The following LYPLA1 variants were observed in gnomAD, a reference collection of about 807,000 sequenced individuals.
LYPLA1 encodes acyl-protein thioesterase 1.
Under a neutral mutation model 34.0 loss-of-function variants are expected in LYPLA1, and 17 were observed. That is an observed-to-expected ratio of 0.50 (90% CI 0.34 to 0.75). The LOEUF is 0.75. Among genes scored for constraint, LYPLA1 ranks in the 30% least tolerant of loss-of-function variants. The pLI, the probability that LYPLA1 is intolerant of heterozygous loss-of-function variation, is 0.01. For missense variants in LYPLA1, 203 were observed against 288.8 expected (o/e 0.70, Z 2.15); for synonymous variants, 98 against 100.8 (o/e 0.97, Z 0.17).
In LYPLA1 at chr8:54,063,867, T is replaced by C. The variant is rs1195771535; in HGVS notation, c.168-492A>G. 4.6e-5 allele frequency among the ~76,000 whole-genome samples: 7 copies of C among 152,330 alleles called. 1 individual carries two copies. Among genetic ancestry groups the C allele is most frequent in the African/African-American group, 1.7e-4 (7 of 41,584 alleles). On this transcript the variant is annotated intron_variant, in intron 3 of 8. Coordinates refer to ENST00000316963, the MANE Select transcript of LYPLA1 (RefSeq NM_006330.4). ...AAGGGAAATCCAAAATTTGCCTAAG[T>C]GTCCATTATAGCCAATTCAAGTCTG...
intron 6 of LYPLA1, among the ~76,000 whole-genome samples, chr8:54,053,921 T>C (rs1411323784): frequency 6.6e-6 from 1 of 152,208 alleles, no homozygotes; most frequent in African/African-American, 2.4e-5. Context: ...GGTTTCTATA[T>C]ACTGTAATGA....
At chr8:54,093,379 A>G (rs1809455665) in intron 2 of LYPLA1, among the ~76,000 whole-genome samples, 1 of 152,192 alleles carries the variant, frequency 6.6e-6, no homozygotes, top group African/African-American at 2.4e-5. Flanking sequence ...GTGTCCTCCT[A>G]AGAGGAGGAG....
Position 54,047,923 on chromosome 8 carries a change from A to G in LYPLA1, c.*142T>C, listed in dbSNP as rs1400362648. On this transcript the variant is annotated 3_prime_UTR_variant, in exon 9 of 9. Coordinates refer to ENST00000316963, the MANE Select transcript of LYPLA1 (RefSeq NM_006330.4). ...CATAAATTTCTCATGAGGAGATATT[A>G]TTTGATCTGTGTTATTGGCATGTAT... is the stretch of plus-strand genomic sequence containing the variant. The G allele has an allele frequency of 1.9e-5, 10 of 538,554 alleles. No individual in the cohort carries two copies. Among genetic ancestry groups the G allele is most frequent in the Middle Eastern group, 5.0e-4 (1 of 1,994 alleles). The allele number at this position is 538,554 out of a possible 1,614,324, so 33.4% of individuals were successfully genotyped here. A position where few individuals can be genotyped will look rare whatever the true frequency, so the allele number is the denominator to read the frequency against.
At chr8:54,066,013 T>C (rs1807041440) in intron 2 of LYPLA1, among the ~76,000 whole-genome samples, 200 bp from the exon 3 acceptor site, 1 of 152,178 alleles carries the variant, frequency 6.6e-6, no homozygotes, top group African/African-American at 2.4e-5. Flanking sequence ...CTCGGCTCAC[T>C]GCAAGCTACC....
chr8:54,101,301 TAA>T, intron 1 of LYPLA1: 2 of 1,066,348 alleles, frequency 1.9e-6, no homozygotes, highest in South Asian at 7.6e-5. Context: ...GAGGCAAAAA[TAA>T]GTTTGACTTT....
chr8:54,091,821 G>A (rs1367952513), intron 2 of LYPLA1, among the ~76,000 whole-genome samples: 1 of 152,166 alleles, frequency 6.6e-6, no homozygotes, highest in Admixed American at 6.5e-5. Flanking sequence ...AGGCACACTG[G>A]CTCATGCCTG....
At chr8:54,093,712 C>A (rs1179927103) in intron 2 of LYPLA1, among the ~76,000 whole-genome samples, 1 of 152,134 alleles carries the variant, frequency 6.6e-6, no homozygotes, top group African/African-American at 2.4e-5. Context: ...ATTTGTCCAA[C>A]AAATACTTAG....
intron 5 of LYPLA1, among the ~76,000 whole-genome samples, chr8:54,057,189 A>G (rs1806266354): frequency 6.6e-6 from 1 of 152,204 alleles, no homozygotes; most frequent in South Asian, 2.1e-4. Flanking sequence ...TATGGGGAAC[A>G]GTTTGGAGGT....
chr8:54,057,614 T>G (rs758502923), intron 5 of LYPLA1, among the ~76,000 whole-genome samples: 6 of 152,210 alleles, frequency 3.9e-5, no homozygotes, highest in Non-Finnish European at 7.4e-5. Context: ...TAAAACTAAC[T>G]GAACTAACAG....
chr8:54,065,897 T>A, intron 2 of LYPLA1, 84 bp from the exon 3 acceptor site: 1 of 886,356 alleles, frequency 1.1e-6, no homozygotes, highest in Non-Finnish European at 1.9e-6. Context: ...CTTTAAAAAA[T>A]TGTGAAGATA....
chr8:54,074,941 A>G (rs142079762), intron 2 of LYPLA1, among the ~76,000 whole-genome samples: 1 of 152,332 alleles, frequency 6.6e-6, no homozygotes, highest in Non-Finnish European at 1.5e-5. Flanking sequence ...AACTTCTATT[A>G]AAACAATTAG....
intron 2 of LYPLA1, among the ~76,000 whole-genome samples, chr8:54,076,228 T>C (rs1807891138): frequency 6.6e-6 from 1 of 152,042 alleles, no homozygotes; most frequent in Admixed American, 6.5e-5. Context: ...TCTTTGGATA[T>C]TGCAAAATTA....
At chr8:54,052,633 T>C (rs1805923602) in intron 7 of LYPLA1, 22 bp downstream of exon 7, 1 of 1,498,844 alleles carries the variant, frequency 6.7e-7, no homozygotes, top group Non-Finnish European at 9.3e-7. Flanking sequence ...TAATCTCATG[T>C]TGAGTGCATC....
At chr8:54,048,299 T>A (rs534892785) in intron 8 of LYPLA1, among the ~76,000 whole-genome samples, 181 bp from the exon 9 acceptor site, 1 of 152,278 alleles carries the variant, frequency 6.6e-6, no homozygotes, top group Admixed American at 6.5e-5. Context: ...TTTCCTATCA[T>A]GATTATTGTA....
chr8:54,051,669 T>C (rs1367082249), intron 7 of LYPLA1, among the ~76,000 whole-genome samples: 1 of 152,156 alleles, frequency 6.6e-6, no homozygotes, highest in Non-Finnish European at 1.5e-5. Context: ...CAGGATGGTC[T>C]CAATCTCCTG....
At chr8:54,084,133 A>AAAAAAAAAAATATAT (rs1373090573) in intron 2 of LYPLA1, among the ~76,000 whole-genome samples, 8 of 120,440 alleles carry the variant, frequency 6.6e-5, no homozygotes, top group African/African-American at 3.7e-4. Context: ...AGAAAAAAAA[A>AAAAAAAAAAATATAT]ATAAATAAAT....
At position 54,091,581 on chromosome 8, in the gene LYPLA1, A is replaced by AAGACAAGGAAGGAAGGAAGGAAGG. The variant is rs1302206285; in HGVS notation, c.101+9326_101+9327insCCTTCCTTCCTTCCTTCCTTGTCT. ...AAGGAAGGAAGGAAAGAAAGAAAGA[A>AAGACAAGGAAGGAAGGAAGGAAGG]AAGGAAGGAAGGAAGGAAGGAAGGA... On this transcript the variant is annotated intron_variant, in intron 2 of 8. Transcript: ENST00000316963. Among the ~76,000 whole-genome samples the AAGACAAGGAAGGAAGGAAGGAAGG allele has an allele frequency of 3.4e-4, 48 of 142,378 alleles. 1 individual carries two copies. Among genetic ancestry groups the AAGACAAGGAAGGAAGGAAGGAAGG allele is most frequent in the African/African-American group, 1.2e-3 (46 of 37,738 alleles). The allele number at this position is 142,378 out of a possible 152,430, so 93.4% of individuals were successfully genotyped here.
chr8:54,101,206 A>T lies in LYPLA1; in HGVS notation c.70-267T>A, dbSNP rs995731160. 9 of 605,370 alleles carry T rather than the reference A, an allele frequency of 1.5e-5. No individual in the cohort carries two copies. The Admixed American group carries it at 3.6e-4, about 24-fold the overall frequency. 37.5% of individuals were successfully genotyped at this position (605,370 alleles called of 1,614,324 possible). A position where few individuals can be genotyped will look rare whatever the true frequency, so the allele number is the denominator to read the frequency against. The stretch of plus-strand genomic sequence containing the variant: ...ATTGAGTGCAAATGATCACATTCTA[A>T]GAAAAACAGTTTATCTCTTTCAAGT... On this transcript the variant is annotated intron_variant, in intron 1 of 8. Coordinates refer to ENST00000316963, the MANE Select transcript of LYPLA1 (RefSeq NM_006330.4).
intron 2 of LYPLA1, among the ~76,000 whole-genome samples, chr8:54,096,053 ACTT>A (rs1438002642): frequency 6.6e-6 from 1 of 152,196 alleles, no homozygotes; most frequent in Non-Finnish European, 1.5e-5. Context: ...ATCAGTGTTA[ACTT>A]CTTAATGATG....
Sources: gnomAD v4.1 joint callset for allele counts (sites outside exome capture counted in the v4.1 genomes callset) on GRCh38, gnomAD v4.1.1 for gene constraint, MANE v1.5 for transcripts, NCBI Gene and HGNC (gene_info 2026-07-23, HGNC 2026-07-21) for gene names.